The following DIPK1A variants were observed in gnomAD, a reference collection of about 807,000 sequenced individuals.
DIPK1A encodes divergent protein kinase domain 1A.
Under a neutral mutation model 40.8 loss-of-function variants are expected in DIPK1A, and 27 were observed. The ratio of observed to expected loss-of-function variants is 0.66; its 90% CI spans 0.49 to 0.91. The LOEUF is 0.91. Ranked by LOEUF, DIPK1A falls within the 40% of genes least tolerant of loss-of-function variation. The pLI, the probability that DIPK1A is intolerant of heterozygous loss-of-function variation, is 0.00. For synonymous variants in DIPK1A, 166 were observed against 171.3 expected (o/e 0.97, Z 0.24); for missense variants, 412 against 505.7 (o/e 0.81, Z 1.78).
At chr1:92,834,023 C>T (rs1410802225) in intron 4 of DIPK1A, 9 of 304,916 alleles carry the variant, frequency 3.0e-5, no homozygotes, top group East Asian at 2.6e-4. Flanking sequence ...GTTTGAGCCC[C>T]GAGGTTGAGG....
chr1:92,948,427 A>G (rs1651456888), intron 1 of DIPK1A, among the ~76,000 whole-genome samples: 1 of 151,692 alleles, frequency 6.6e-6, no homozygotes, highest in African/African-American at 2.4e-5. Flanking sequence ...ATTTTTAAAA[A>G]CTTTTTTAAA....
At chr1:92,903,051 GCTTT>G (rs1387588363) in intron 1 of DIPK1A, among the ~76,000 whole-genome samples, 1 of 151,972 alleles carries the variant, frequency 6.6e-6, no homozygotes, top group African/African-American at 2.4e-5. Flanking sequence ...ATGTTACACT[GCTTT>G]CTTTTTATTT....
At chr1:92,888,544 T>C (rs962768912) in intron 1 of DIPK1A, among the ~76,000 whole-genome samples, 1 of 152,220 alleles carries the variant, frequency 6.6e-6, no homozygotes, top group African/African-American at 2.4e-5. Flanking sequence ...TTGGAATATA[T>C]GCCCAGTAGT....
At chr1:92,953,119 C>T (rs1017500205) in intron 1 of DIPK1A, among the ~76,000 whole-genome samples, 7 of 151,692 alleles carry the variant, frequency 4.6e-5, no homozygotes, top group African/African-American at 1.7e-4. Context: ...GAACTTTCTC[C>T]AAAGAAGATA....
At chr1:92,961,255 G>A in intron 1 of DIPK1A, 121 bp downstream of exon 1, 1 of 540,688 alleles carries the variant, frequency 1.8e-6, no homozygotes, top group South Asian at 4.7e-5. Flanking sequence ...GCAGGGGGCA[G>A]CGGGGTTCGG....
At chr1:92,909,817 G>C (rs1390354537) in intron 1 of DIPK1A, among the ~76,000 whole-genome samples, 1 of 152,132 alleles carries the variant, frequency 6.6e-6, no homozygotes, top group Non-Finnish European at 1.5e-5. Context: ...AGGGTGTAGG[G>C]GGGAATAAAA....
intron 1 of DIPK1A, among the ~76,000 whole-genome samples, chr1:92,958,597 C>T (rs1651937289): frequency 6.6e-6 from 1 of 152,184 alleles, no homozygotes; most frequent in Non-Finnish European, 1.5e-5. Context: ...AATAGTTATA[C>T]CCTCACTCTA....
chr1:92,945,993 A>G (rs536356244), intron 1 of DIPK1A, among the ~76,000 whole-genome samples: 1 of 152,360 alleles, frequency 6.6e-6, no homozygotes, highest in South Asian at 2.1e-4. Context: ...AAAGCAAACA[A>G]GCATGATTTC....
At chr1:92,892,992 T>G (rs1307717988) in intron 1 of DIPK1A, among the ~76,000 whole-genome samples, 1 of 152,024 alleles carries the variant, frequency 6.6e-6, no homozygotes, top group Non-Finnish European at 1.5e-5. Context: ...CCAAGAAATA[T>G]GTGACTATGT....
chr1:92,842,591 AT>A lies in DIPK1A; in HGVS notation c.*791del. 1.0e-6 allele frequency: 1 copy of A among 957,678 alleles called. No individual in the cohort carries two copies. Among genetic ancestry groups the A allele is most frequent in the East Asian group, 1.5e-4 (1 of 6,618 alleles). 59.3% of individuals were successfully genotyped at this position (957,678 alleles called of 1,614,324 possible). A position where few individuals can be genotyped will look rare whatever the true frequency, so the allele number is the denominator to read the frequency against. On this transcript the variant is annotated 3_prime_UTR_variant, in exon 5 of 5. Coordinates refer to ENST00000370310, the MANE Select transcript of DIPK1A (RefSeq NM_001006605.5). Reference sequence around the variant, plus strand: ...AGTTATTACTAAAAAGTCTGCTATAATTTATTTTAGTCTTGCACTTACAGTC... The same window carrying A: ...AGTTATTACTAAAAAGTCTGCTATAATTATTTTAGTCTTGCACTTACAGTC...
At chr1:92,860,976 A>G (rs1557457588) in intron 2 of DIPK1A, among the ~76,000 whole-genome samples, 1 of 152,158 alleles carries the variant, frequency 6.6e-6, no homozygotes, top group Non-Finnish European at 1.5e-5. Context: ...GGGGGTACTT[A>G]ATCCTCACTT....
chr1:92,918,471 A>G (rs1650140890), intron 1 of DIPK1A, among the ~76,000 whole-genome samples: 1 of 152,144 alleles, frequency 6.6e-6, no homozygotes, highest in Admixed American at 6.6e-5. Context: ...TTTACTGTAA[A>G]CTACAGAACA....
intron 1 of DIPK1A, among the ~76,000 whole-genome samples, chr1:92,921,162 G>C: frequency 6.6e-6 from 1 of 152,102 alleles, no homozygotes; most frequent in East Asian, 1.9e-4. Flanking sequence ...TGACACTTTA[G>C]TATTTTTTTT....
chr1:92,837,076 C>T, intron 4 of DIPK1A: 1 of 334,704 alleles, frequency 3.0e-6, no homozygotes, highest in South Asian at 2.5e-5. Flanking sequence ...AGAGCATTCT[C>T]ACTTGACAAT....
intron 1 of DIPK1A, among the ~76,000 whole-genome samples, chr1:92,893,064 T>C (rs929298974): frequency 6.6e-6 from 1 of 151,998 alleles, no homozygotes; most frequent in Non-Finnish European, 1.5e-5. Flanking sequence ...TGGAACCAAG[T>C]TGGAAAACAC....
chr1:92,849,492 T>C (rs909804781), intron 3 of DIPK1A, among the ~76,000 whole-genome samples: 1 of 151,712 alleles, frequency 6.6e-6, no homozygotes, highest in Non-Finnish European at 1.5e-5. Flanking sequence ...GGACCATAGG[T>C]GTGTGCCACC....
intron 1 of DIPK1A, among the ~76,000 whole-genome samples, chr1:92,902,403 G>C (rs1484457162): frequency 6.6e-6 from 1 of 152,152 alleles, no homozygotes; most frequent in African/African-American, 2.4e-5. Context: ...TCAGCCTCAG[G>C]GATGAAGGGG....
chr1:92,869,468 T>G (rs1228990910), intron 2 of DIPK1A, among the ~76,000 whole-genome samples: 2 of 152,110 alleles, frequency 1.3e-5, no homozygotes, highest in African/African-American at 4.8e-5. Context: ...GCTGACTAAA[T>G]TATTAAGAAT....
chr1:92,930,673 G>C (rs775794633), intron 1 of DIPK1A: 5 of 152,158 alleles, frequency 3.3e-5, no homozygotes, highest in Non-Finnish European at 7.4e-5. Flanking sequence ...AGAACTTTTT[G>C]TAGTTCTCTG....
Sources: allele counts gnomAD v4.1 joint callset (sites outside exome capture counted in the v4.1 genomes callset), GRCh38; gene constraint gnomAD v4.1.1; transcripts MANE v1.5; gene names NCBI Gene and HGNC (gene_info 2026-07-23, HGNC 2026-07-21).